The following PPP2R2D variants were observed in gnomAD, a reference collection of about 807,000 sequenced individuals.
PPP2R2D encodes protein phosphatase 2 regulatory subunit Bdelta, also known as serine/threonine-protein phosphatase 2A 55 kDa regulatory subunit B delta isoform.
PPP2R2D carries 9 observed loss-of-function variants against 31.1 expected under a neutral mutation model. The observed-to-expected ratio is 0.29, with a 90% CI of 0.17 to 0.51. The LOEUF (loss-of-function observed/expected upper bound fraction) is 0.51. Among genes scored for constraint, PPP2R2D ranks in the 20% least tolerant of loss-of-function variants. PPP2R2D has a pLI of 0.98. For missense variants in PPP2R2D, 391 were observed against 465.6 expected, an observed-to-expected ratio of 0.84 and a Z score of 1.48; for synonymous variants, 179 against 172.6, an observed-to-expected ratio of 1.04 and a Z score of -0.29.
intron 2 of PPP2R2D, among the ~76,000 whole-genome samples, chr10:131,922,417 C>T (rs1051272577): frequency 7.3e-5 from 11 of 150,820 alleles, no homozygotes; most frequent in African/African-American, 2.7e-4. Context: ...ATACTTTAGA[C>T]ATCATGTTGT....
Position 131,959,309 on chromosome 10 carries a change from A to AT in PPP2R2D, c.*3347dup, listed in dbSNP as rs1316955394. The AT allele has an allele frequency of 7.1e-6, 1 of 140,914 alleles. No homozygotes were observed. The highest frequency in any genetic ancestry group is 1.5e-5 in the Non-Finnish European group (1 of 67,116). The allele number at this position is 140,914 out of a possible 1,614,324, so 8.7% of individuals were successfully genotyped here. On this transcript the variant is annotated 3_prime_UTR_variant, in exon 9 of 9. Coordinates refer to ENST00000455566, the MANE Select transcript of PPP2R2D (RefSeq NM_018461.5). Reference sequence around the variant, plus strand: ...CCTGTGGAGATGAAGGCGTGTGCTGATCCGCCATCCCCCTGTGGAGATGAA... The same window carrying AT: ...CCTGTGGAGATGAAGGCGTGTGCTGATTCCGCCATCCCCCTGTGGAGATGAA...
At chr10:131,953,005 G>T (rs1304496196) in intron 8 of PPP2R2D, among the ~76,000 whole-genome samples, 5 of 136,314 alleles carry the variant, frequency 3.7e-5, no homozygotes, top group Non-Finnish European at 7.8e-5. Flanking sequence ...GGTGTGCAGG[G>T]GGTTCACTGT....
intron 2 of PPP2R2D, among the ~76,000 whole-genome samples, chr10:131,927,578 C>G (rs545168982): frequency 7.9e-5 from 12 of 152,186 alleles, no homozygotes; most frequent in Non-Finnish European, 1.8e-4. Flanking sequence ...CTGACTGTCG[C>G]CCAGCAAAGA....
chr10:131,945,261 A>T lies in PPP2R2D; in HGVS notation c.656-34A>T, dbSNP rs782738759. 6.3e-5 allele frequency: 100 copies of T among 1,592,356 alleles called. No homozygotes were observed. The highest frequency in any genetic ancestry group is 7.8e-5 in the Non-Finnish European group (91 of 1,167,026). ...ATGTAGACTAATTAACAACCAGCTG[A>T]GCTGAGCACTGTGCCTTAACCATGC... On this transcript the variant is annotated intron_variant, in intron 6 of 8. Coordinates refer to ENST00000455566, the MANE Select transcript of PPP2R2D (RefSeq NM_018461.5). The surrounding 1 kb of genome is among the most constrained non-coding windows in gnomAD (Gnocchi z 4.8).
the PPP2R2D span, chr10:131,970,885 C>T: frequency 1.2e-6 from 2 of 1,614,196 alleles, no homozygotes; most frequent in South Asian, 1.1e-5. This position sits in a 1 kb window ranked among gnomAD's most constrained non-coding sequence, Gnocchi z 4.1. Context: ...ATTTTCCGGC[C>T]GACTTGACCA....
In PPP2R2D at chr10:131,944,006, G is replaced by A. The variant is rs782211344; in HGVS notation, c.516G>A (p.Ala172=). The A allele has an allele frequency of 5.0e-5, 61 of 1,226,450 alleles. No individual in the cohort carries two copies. The highest frequency in any genetic ancestry group is 4.1e-4 in the South Asian group (34 of 82,992). 76.0% of individuals were successfully genotyped at this position (1,226,450 alleles called of 1,614,324 possible). ...AGCCCATGGATCTTATGGTAGAAGC[G>A]AGTCCACGGCGAATTTTTGCAAATG... ...ILKPMDLMVE[A]SPRRIFANAH... is the part of the protein sequence containing the mutation. Residue 172 remains alanine (A), a synonymous_variant, in exon 6 of 9, where the codon GCG becomes GCA. Coordinates refer to ENST00000455566, the MANE Select transcript of PPP2R2D (RefSeq NM_018461.5).
At chr10:131,919,679 G>T (rs1380866641) in intron 2 of PPP2R2D, among the ~76,000 whole-genome samples, 1 of 132,682 alleles carries the variant, frequency 7.5e-6, no homozygotes, top group African/African-American at 2.8e-5. Context: ...CCTCACGCGG[G>T]TGGAATGACA....
In PPP2R2D at chr10:131,934,531, T is replaced by C. The variant is rs1443767542; in HGVS notation, c.174T>C (p.Val58=). ...LLATGDKGGR[V]VIFQREQENK... is the part of the protein sequence containing the mutation. Reference sequence around the variant, plus strand: ...CAACAGGAGACAAGGGCGGCAGAGTTGTTATTTTTCAGCGTGAACAAGAGG... The same window carrying C: ...CAACAGGAGACAAGGGCGGCAGAGTCGTTATTTTTCAGCGTGAACAAGAGG... Residue 58 remains valine (V), a synonymous_variant, in exon 3 of 9, where the codon GTT becomes GTC. Coordinates refer to ENST00000455566, the MANE Select transcript of PPP2R2D (RefSeq NM_018461.5). 2 of 779,938 alleles carry C rather than the reference T, an allele frequency of 2.6e-6. No homozygotes were observed. Among genetic ancestry groups the C allele is most frequent in the Non-Finnish European group, 4.8e-6 (2 of 417,820 alleles). 48.3% of individuals were successfully genotyped at this position (779,938 alleles called of 1,614,324 possible).
intron 2 of PPP2R2D, among the ~76,000 whole-genome samples, chr10:131,909,892 A>G (rs2035655543): frequency 6.6e-6 from 1 of 152,250 alleles, no homozygotes; most frequent in South Asian, 2.1e-4. Flanking sequence ...ATGAGAAACA[A>G]CTTTTCAAAA....
chr10:131,971,130 G>C, the PPP2R2D span: 1 of 683,378 alleles, frequency 1.5e-6, no homozygotes, highest in Non-Finnish European at 2.5e-6. Flanking sequence ...CTGGGGCTGG[G>C]GGCCTTCCCC....
At chr10:131,930,324 C>T (rs547969601) in intron 2 of PPP2R2D, among the ~76,000 whole-genome samples, 10 of 152,332 alleles carry the variant, frequency 6.6e-5, no homozygotes, top group African/African-American at 2.2e-4. Flanking sequence ...CTGGCCTGAA[C>T]GGCCACTCTG....
chr10:131,940,176 A>G lies in PPP2R2D; in HGVS notation c.344A>G (p.His115Arg), dbSNP rs1554897016. ...TGGTTACCACAACAGAATGCTGCTC[A>G]TTTTCTACTGTCTACAAATGGTAAG... ...IRWLPQQNAA[H>R]FLLSTNDKTI... Residue 115 changes from histidine to arginine, a missense_variant, in exon 4 of 9, where the codon CAT becomes CGT. This residue lies in a region of PPP2R2D where 105 missense variants were observed against 98.5 expected (regional missense o/e 1.07). Transcript: ENST00000455566. 1.3e-6 allele frequency: 1 copy of G among 760,384 alleles called. No individual in the cohort carries two copies. The highest frequency in any genetic ancestry group is 2.4e-5 in the East Asian group (1 of 41,092). 47.1% of individuals were successfully genotyped at this position (760,384 alleles called of 1,614,324 possible). A position where few individuals can be genotyped will look rare whatever the true frequency, so the allele number is the denominator to read the frequency against.
intron 8 of PPP2R2D, among the ~76,000 whole-genome samples, chr10:131,952,829 T>G (rs113614184): frequency 0.53 from 16,521 of 31,462 alleles, 4,726 homozygotes; most frequent in African/African-American, 0.67. Context: ...GGTGTGTGTG[T>G]GGGGTTCACT....
intron 6 of PPP2R2D, among the ~76,000 whole-genome samples, chr10:131,944,516 C>T (rs1554897668): frequency 5.3e-5 from 8 of 152,102 alleles, no homozygotes; most frequent in Non-Finnish European, 1.2e-4. Flanking sequence ...GTTTAATCAC[C>T]CATCTGAGCA....
intron 2 of PPP2R2D, among the ~76,000 whole-genome samples, chr10:131,910,839 G>C (rs1490782075): frequency 6.6e-6 from 1 of 152,140 alleles, no homozygotes; most frequent in Non-Finnish European, 1.5e-5. Flanking sequence ...GGTGAGGGGT[G>C]GGGGAGCTGA....
intron 2 of PPP2R2D, among the ~76,000 whole-genome samples, chr10:131,918,566 GAC>G (rs1564812147): frequency 2.7e-5 from 4 of 149,084 alleles, no homozygotes; most frequent in Non-Finnish European, 3.0e-5. Flanking sequence ...TGGGTGGAAT[GAC>G]ACAGTGTTTG....
chr10:131,955,054 G>C (rs1372060981), intron 8 of PPP2R2D, among the ~76,000 whole-genome samples: 1 of 152,214 alleles, frequency 6.6e-6, no homozygotes, highest in African/African-American at 2.4e-5. Flanking sequence ...GTGTGCGGTA[G>C]TAGAATTTTT....
intron 5 of PPP2R2D, among the ~76,000 whole-genome samples, chr10:131,942,564 A>G (rs542331730): frequency 5.9e-5 from 9 of 152,310 alleles, no homozygotes; most frequent in African/African-American, 1.9e-4. Context: ...GAAAAGGGAT[A>G]TAATTAAAAG....
At chr10:131,924,230 C>T (rs1435284211) in intron 2 of PPP2R2D, among the ~76,000 whole-genome samples, 1 of 151,988 alleles carries the variant, frequency 6.6e-6, no homozygotes, top group African/African-American at 2.4e-5. Context: ...ATGTAAGAGA[C>T]CACTGTCTAA....
Sources: allele counts gnomAD v4.1 joint callset (sites outside exome capture counted in the v4.1 genomes callset), GRCh38; gene constraint gnomAD v4.1.1; regional missense constraint gnomAD v4.1.1; non-coding constraint Gnocchi (gnomAD v3.1); transcripts MANE v1.5; gene names NCBI Gene and HGNC (gene_info 2026-07-23, HGNC 2026-07-21).